AFF3: variants seen among roughly 807,000 people sequenced by gnomAD.
The protein encoded by AFF3 is ALF transcription elongation factor 3.
AFF3 carries 32 observed loss-of-function variants against 129.7 expected under a neutral mutation model. That is an observed-to-expected ratio of 0.25 (90% confidence interval 0.19 to 0.33). The LOEUF (loss-of-function observed/expected upper bound fraction) is 0.33. Among genes scored for constraint, AFF3 ranks in the 10% least tolerant of loss-of-function variants. The probability of loss-of-function intolerance (pLI) is 1.00; values close to 1 mark genes in which losing one functional copy is unlikely to be tolerated. For missense variants in AFF3, 1,373 were observed against 1,592.0 expected, an observed-to-expected ratio of 0.86 and a Z score of 2.34; for synonymous variants, 644 against 635.4, an observed-to-expected ratio of 1.01 and a Z score of -0.20.
chr2:99,596,926 T>C (rs867590390), intron 14 of AFF3, among the ~76,000 whole-genome samples: 13 of 152,176 alleles, frequency 8.5e-5, no homozygotes, highest in African/African-American at 2.7e-4. Flanking sequence ...TAACCTCCTA[T>C]TGCCTCTCAA....
chr2:100,105,349 G>A (rs1200997645), intron 3 of AFF3, 155 bp downstream of exon 3: 31 of 1,238,750 alleles, frequency 2.5e-5, no homozygotes, highest in Non-Finnish European at 2.9e-5. Context: ...TAAGGTCTCT[G>A]GAGCCCGCAA....
intron 14 of AFF3, among the ~76,000 whole-genome samples, chr2:99,599,237 A>G (rs1006485421): frequency 1.3e-5 from 2 of 152,354 alleles, no homozygotes; most frequent in African/African-American, 4.8e-5. Flanking sequence ...AAAGCACTTT[A>G]TAACTGTACT....
At chr2:100,106,418 A>C (rs1691296361) in intron 2 of AFF3, 1 of 1,047,872 alleles carries the variant, frequency 9.5e-7, no homozygotes, top group African/African-American at 1.7e-5. Flanking sequence ...ATCCCAATGC[A>C]CAGTGTATTT....
intron 7 of AFF3, among the ~76,000 whole-genome samples, chr2:99,846,250 C>T (rs1689715367): frequency 6.6e-6 from 1 of 152,168 alleles, no homozygotes; most frequent in Admixed American, 6.5e-5. Flanking sequence ...CTGTCCCAGC[C>T]TCCCGAGTAG....
chr2:99,712,461 C>T (rs1051515429), intron 11 of AFF3, among the ~76,000 whole-genome samples: 1 of 152,176 alleles, frequency 6.6e-6, no homozygotes, highest in African/African-American at 2.4e-5. Flanking sequence ...TGGCAGGGGC[C>T]CAGTGCATGC....
intron 7 of AFF3, among the ~76,000 whole-genome samples, chr2:99,872,567 G>T (rs927024801): frequency 6.8e-6 from 1 of 147,492 alleles, no homozygotes. Flanking sequence ...AGTTCCCAAT[G>T]AAGTCCTATG....
chr2:99,824,851 G>C (rs1044070757), intron 8 of AFF3, among the ~76,000 whole-genome samples: 1 of 152,146 alleles, frequency 6.6e-6, no homozygotes, highest in Non-Finnish European at 1.5e-5. Flanking sequence ...AGTGGGCCCA[G>C]GAATGGAGTT....
At chr2:100,049,470 A>T (rs1474455490) in intron 4 of AFF3, among the ~76,000 whole-genome samples, 5 of 152,194 alleles carry the variant, frequency 3.3e-5, no homozygotes, top group Non-Finnish European at 2.9e-5. Context: ...CTCTGGCTAG[A>T]TTTCGGACTT....
chr2:99,578,527 C>G, intron 17 of AFF3, 76 bp from the exon 18 acceptor site: 1 of 1,564,100 alleles, frequency 6.4e-7, no homozygotes, highest in East Asian at 2.3e-5. Flanking sequence ...TACATACATA[C>G]GTAGAATATC....
intron 7 of AFF3, among the ~76,000 whole-genome samples, chr2:99,886,923 T>C (rs1298261834): frequency 1.5e-5 from 2 of 132,662 alleles, no homozygotes; most frequent in African/African-American, 2.5e-5. Context: ...CTTCAACTCA[T>C]ACCTAGTGCT....
Position 99,578,375 on chromosome 2 carries a change from G to C in AFF3, c.2870C>G (p.Ser957Cys), listed in dbSNP as rs1221434196. ...CCTCTTGCAGTCCCTGTGGCCGTTG[G>C]AGCCTGGAGACCACGGCTTCGTCTG... ...RPQTKPWSPG[S>C]NGHRDCKRQK... Residue 957 changes from serine to cysteine, a missense_variant, in exon 18 of 25, where the codon TCC becomes TGC. Transcript: ENST00000672756. 10 of 1,609,892 alleles carry C rather than the reference G, an allele frequency of 6.2e-6. No homozygotes were observed. The highest frequency in any genetic ancestry group is 7.6e-6 in the Non-Finnish European group (9 of 1,178,644).
At chr2:99,802,486 C>A (rs1407171352) in intron 8 of AFF3, among the ~76,000 whole-genome samples, 2 of 152,016 alleles carry the variant, frequency 1.3e-5, no homozygotes, top group Non-Finnish European at 2.9e-5. Flanking sequence ...GATGGTGAGA[C>A]CCTGTCTCTA....
chr2:99,641,490 C>T (rs913625748), intron 13 of AFF3, among the ~76,000 whole-genome samples: 2 of 152,070 alleles, frequency 1.3e-5, no homozygotes, highest in Non-Finnish European at 2.9e-5. Context: ...CCAGCCTGGC[C>T]AACATGGTGA....
At chr2:100,116,925 A>C (rs1691757642) in intron 2 of AFF3, among the ~76,000 whole-genome samples, 1 of 152,138 alleles carries the variant, frequency 6.6e-6, no homozygotes. Flanking sequence ...TTTTACATTT[A>C]TAATTGAAGA....
chr2:99,892,424 T>C (rs1041423839), intron 7 of AFF3, among the ~76,000 whole-genome samples: 1 of 152,130 alleles, frequency 6.6e-6, no homozygotes, highest in Non-Finnish European at 1.5e-5. Flanking sequence ...GTCAGATAAC[T>C]CCAAAAGCAA....
chr2:100,117,122 T>C (rs1031654510), intron 2 of AFF3, among the ~76,000 whole-genome samples: 1 of 152,198 alleles, frequency 6.6e-6, no homozygotes, highest in Non-Finnish European at 1.5e-5. Flanking sequence ...GATTTCATTT[T>C]ATTCATCTTA....
chr2:99,709,156 G>A (rs1677675689), intron 11 of AFF3, among the ~76,000 whole-genome samples: 1 of 152,194 alleles, frequency 6.6e-6, no homozygotes, highest in Admixed American at 6.5e-5. Flanking sequence ...TCAGGAGGCT[G>A]AGCAGGGAGG....
At chr2:99,899,428 A>G (rs1694198889) in intron 7 of AFF3, among the ~76,000 whole-genome samples, 1 of 152,212 alleles carries the variant, frequency 6.6e-6, no homozygotes, top group South Asian at 2.1e-4. Context: ...CTGTAATATC[A>G]GATATTTCAG....
At chr2:99,960,506 T>C (rs1677110274) in intron 7 of AFF3, among the ~76,000 whole-genome samples, 1 of 152,242 alleles carries the variant, frequency 6.6e-6, no homozygotes. Context: ...AGAGGTATCC[T>C]GCTGAGATGC....
Sources: gnomAD v4.1 joint callset for allele counts (sites outside exome capture counted in the v4.1 genomes callset) on GRCh38, gnomAD v4.1.1 for gene constraint, MANE v1.5 for transcripts, NCBI Gene and HGNC (gene_info 2026-07-23, HGNC 2026-07-21) for gene names.